Variants in PGBD2 observed in about 807,000 individuals in gnomAD.
The protein encoded by PGBD2 is piggyBac transposable element derived 2.
PGBD2 carries 6 observed loss-of-function variants against 8.1 expected under a neutral mutation model. The ratio of observed to expected loss-of-function variants is 0.74; its 90% CI spans 0.40 to 1.46. PGBD2 has a LOEUF of 1.46. Ranked by LOEUF, PGBD2 falls within the 40% of genes most tolerant of loss-of-function variation. The pLI is 0.02. For synonymous variants in PGBD2, 318 were observed against 272.2 expected (o/e 1.17, Z -1.66); for missense variants, 802 against 739.0 (o/e 1.09, Z -0.99).
chr1:248,919,347 G>C (rs1455291942), downstream of PGBD2: 1 of 166,486 alleles, frequency 6.0e-6, no homozygotes, highest in Non-Finnish European at 1.5e-5. Context: ...AAGTTTGTCT[G>C]TCTTTGCTTG....
At chr1:248,902,278 A>C (rs1010794528), upstream of PGBD2, among the ~76,000 whole-genome samples, 5 of 152,086 alleles carry the variant, frequency 3.3e-5, no homozygotes, top group Non-Finnish European at 7.4e-5. Flanking sequence ...CAAAAAAAAA[A>C]AAAAACCTAT....
downstream of PGBD2, among the ~76,000 whole-genome samples, chr1:248,924,391 C>G (rs190913268): frequency 5.7e-4 from 87 of 152,296 alleles, no homozygotes; most frequent in Non-Finnish European, 9.7e-4. Context: ...CTATTTATTA[C>G]CCTCAGCCAA....
chr1:248,878,837 C>T, the PGBD2 span, among the ~76,000 whole-genome samples: 16 of 152,136 alleles, frequency 1.1e-4, no homozygotes, highest in Admixed American at 2.6e-4. Context: ...ATGGGTGGCT[C>T]GCCGCTATTG....
the PGBD2 span, among the ~76,000 whole-genome samples, chr1:248,883,584 C>CTTTTTTTTT: frequency 2.9e-4 from 26 of 89,140 alleles, no homozygotes; most frequent in Non-Finnish European, 3.8e-4. Flanking sequence ...TTTTTTTTTT[C>CTTTTTTTTT]TTTTTTTTTT....
the PGBD2 span, among the ~76,000 whole-genome samples, chr1:248,925,306 G>A: frequency 1.3e-5 from 2 of 152,312 alleles, no homozygotes; most frequent in East Asian, 1.9e-4. Flanking sequence ...CTGTGACCCC[G>A]CACTGTATGG....
chr1:248,885,968 C>G, the PGBD2 span, among the ~76,000 whole-genome samples: 1 of 152,108 alleles, frequency 6.6e-6, no homozygotes, highest in African/African-American at 2.4e-5. Flanking sequence ...GTGAACTTTC[C>G]TACCCTGTCA....
At chr1:248,895,773 C>T in the PGBD2 span, among the ~76,000 whole-genome samples, 8 of 151,746 alleles carry the variant, frequency 5.3e-5, no homozygotes, top group South Asian at 2.1e-4. Flanking sequence ...CTGCAACTTC[C>T]GCCTCCCAGG....
At chr1:248,923,957 C>T (rs1262482757), downstream of PGBD2, among the ~76,000 whole-genome samples, 1 of 152,172 alleles carries the variant, frequency 6.6e-6, no homozygotes, top group South Asian at 2.1e-4. Flanking sequence ...GATGCAGCCC[C>T]CACTGGACAG....
intron 1 of PGBD2, among the ~76,000 whole-genome samples, chr1:248,911,893 A>G (rs1293818012): frequency 6.6e-6 from 1 of 151,648 alleles, no homozygotes; most frequent in Non-Finnish European, 1.5e-5. Flanking sequence ...AGGATATGAC[A>G]CCAGGTGGGA....
At chr1:248,902,608 A>C (rs1011242529), upstream of PGBD2, among the ~76,000 whole-genome samples, 3 of 152,358 alleles carry the variant, frequency 2.0e-5, no homozygotes, top group Non-Finnish European at 4.4e-5. Flanking sequence ...AATGCCCATC[A>C]GTGATAGACT....
chr1:248,906,060 G>T (rs1661621036), upstream of PGBD2: 1 of 152,088 alleles, frequency 6.6e-6, no homozygotes, highest in Admixed American at 6.5e-5. Flanking sequence ...GTGGCGGGAA[G>T]AGCTGGCCCG....
chr1:248,879,722 G>T, the PGBD2 span, among the ~76,000 whole-genome samples: 1 of 152,142 alleles, frequency 6.6e-6, no homozygotes, highest in Non-Finnish European at 1.5e-5. Flanking sequence ...TTGGTATGCT[G>T]ATATGTGTCA....
At chr1:248,894,887 C>G in the PGBD2 span, among the ~76,000 whole-genome samples, 1 of 152,072 alleles carries the variant, frequency 6.6e-6, no homozygotes, top group Admixed American at 6.6e-5. Context: ...CCTCAAACTC[C>G]TGTGCTCATG....
the PGBD2 span, among the ~76,000 whole-genome samples, chr1:248,896,857 C>T: frequency 5.3e-5 from 8 of 152,214 alleles, no homozygotes; most frequent in Admixed American, 5.2e-4. Context: ...CGCCCGCTCC[C>T]AGGCCAGGGA....
rs774364520 is a variant in PGBD2, at chr1:248,917,053, A to C, written c.469A>C (p.Ile157Leu). Residue 157 changes from isoleucine to leucine, a missense_variant, in exon 3 of 3, where the codon ATT (isoleucine) becomes CTT (leucine). Ile to Leu is a conservative substitution (Grantham distance 5). Transcript: ENST00000329291. Reference sequence around the variant, plus strand: ...TTTTGATGAAGGAACAATTAATTTCATTGTTAATGAAACCAATCGTTATGC... The same window carrying C: ...TTTTGATGAAGGAACAATTAATTTCCTTGTTAATGAAACCAATCGTTATGC... ...LFFDEGTINFIVNETNRYAWQ... is the reference protein window; with the variant it reads ...LFFDEGTINFLVNETNRYAWQ... 1 of 1,613,792 alleles carries C rather than the reference A, an allele frequency of 6.2e-7. No homozygotes were observed. The highest frequency in any genetic ancestry group is 8.5e-7 in the Non-Finnish European group (1 of 1,179,954).
chr1:248,906,638 G>A (rs1367042741), intron 1 of PGBD2, among the ~76,000 whole-genome samples: 3 of 146,084 alleles, frequency 2.1e-5, no homozygotes, highest in African/African-American at 7.6e-5. Flanking sequence ...TTCAGGGCGG[G>A]GTGGGAGGGA....
In PGBD2 at chr1:248,918,518, T is replaced by C. The variant is rs950521076; in HGVS notation, c.*155T>C. ...CTACCCACAATACAGTTATCTTTTT[T>C]ATTGTGTTGTGTTATGCCTACATGT... On this transcript the variant is annotated 3_prime_UTR_variant, in exon 3 of 3. Coordinates refer to ENST00000329291, the MANE Select transcript of PGBD2 (RefSeq NM_170725.3). 97 of 616,630 alleles carry C rather than the reference T, an allele frequency of 1.6e-4. No individual in the cohort carries two copies. The African/African-American group carries it at 1.7e-3, about 11-fold the overall frequency. 38.2% of individuals were successfully genotyped at this position (616,630 alleles called of 1,614,324 possible).
chr1:248,909,075 G>A (rs912863234), intron 1 of PGBD2, among the ~76,000 whole-genome samples: 4 of 152,188 alleles, frequency 2.6e-5, no homozygotes, highest in Admixed American at 2.6e-4. Context: ...GAATGAAAAA[G>A]TGATAGTGTG....
chr1:248,916,889 A>C lies in PGBD2; in HGVS notation c.305A>C (p.Gln102Pro). The C allele has an allele frequency of 6.2e-7, 1 of 1,614,150 alleles. No individual in the cohort carries two copies. The highest frequency in any genetic ancestry group is 8.5e-7 in the Non-Finnish European group (1 of 1,180,042). ...GAGCTGCAGCCAGCCAAGAAGAGGC[A>C]GAAAGCAGTTGTGAAACCTCAGCGC... ...DLELQPAKKR[Q>P]KAVVKPQRIW... Residue 102 changes from glutamine (Q) to proline (P), a missense_variant, in exon 3 of 3, where the codon CAG becomes CCG. By Grantham distance (76) the Gln-to-Pro change is moderately conservative. Coordinates refer to ENST00000329291, the MANE Select transcript of PGBD2 (RefSeq NM_170725.3).
Sources: gnomAD v4.1 joint callset for allele counts (sites outside exome capture counted in the v4.1 genomes callset) on GRCh38, gnomAD v4.1.1 for gene constraint, MANE v1.5 for transcripts, NCBI Gene and HGNC (gene_info 2026-07-23, HGNC 2026-07-21) for gene names.